Variants in CPAMD8 observed in about 807,000 individuals in gnomAD.
CPAMD8 encodes C3 and PZP-like alpha-2-macroglobulin domain-containing protein 8.
A neutral mutation model predicts 224.7 loss-of-function variants in CPAMD8; 146 were observed. The observed-to-expected ratio is 0.65, with a 90% confidence interval of 0.57 to 0.75. CPAMD8 has a LOEUF of 0.75. Ranked by LOEUF, CPAMD8 falls within the 30% of genes least tolerant of loss-of-function variation. CPAMD8 has a pLI of 0.00. For synonymous variants in CPAMD8, 966 were observed against 1,044.6 expected (o/e 0.92, Z 1.45); for missense variants, 2,301 against 2,537.5 (o/e 0.91, Z 2.00).
At chr19:17,004,715 C>T (rs1354110276) in intron 7 of CPAMD8, among the ~76,000 whole-genome samples, 1 of 152,054 alleles carries the variant, frequency 6.6e-6, no homozygotes, top group Admixed American at 6.6e-5. Flanking sequence ...TCACTCCATC[C>T]CCCGCCACCC....
intron 19 of CPAMD8, among the ~76,000 whole-genome samples, chr19:16,954,084 A>T (rs2054384446): frequency 6.6e-6 from 1 of 152,194 alleles, no homozygotes; most frequent in African/African-American, 2.4e-5. Context: ...CGCTGTGAAC[A>T]TGGGTATACA....
chr19:16,974,998 A>G (rs1007203187), intron 17 of CPAMD8, 99 bp downstream of exon 17: 4 of 1,441,094 alleles, frequency 2.8e-6, no homozygotes, highest in African/African-American at 1.4e-5. Context: ...AAAAGCTTCC[A>G]ATTCTGTTTC....
At chr19:16,897,440 C>T (rs2052063672) in intron 39 of CPAMD8, 2 of 539,738 alleles carry the variant, frequency 3.7e-6, no homozygotes, top group Non-Finnish European at 3.3e-6. Flanking sequence ...CCCCAGTATA[C>T]TGACCATTCC....
At chr19:17,019,144 G>A (rs1254846094) in intron 3 of CPAMD8, among the ~76,000 whole-genome samples, 1 of 152,068 alleles carries the variant, frequency 6.6e-6, no homozygotes, top group African/African-American at 2.4e-5. Context: ...TGTTTTTTGA[G>A]ACGGAGTTTC....
At position 16,979,508 on chromosome 19, in the gene CPAMD8, GTCCA is replaced by G. The variant is rs56393692; in HGVS notation, c.1585+985_1585+988del. On this transcript the variant is annotated intron_variant, in intron 14 of 41. Transcript: ENST00000443236. ...CATCCTTCTGTCCATCCATCTTTTG[GTCCA>G]TCCATCCATCCATCCATCTCTCTGT... Among the ~76,000 whole-genome samples, 4 of 140,138 alleles carry G rather than the reference GTCCA, an allele frequency of 2.9e-5. No homozygotes were observed. In the East Asian group the frequency reaches 6.5e-4, roughly 23 times the overall value. The allele number at this position is 140,138 out of a possible 152,430, so 91.9% of individuals were successfully genotyped here. A position where few individuals can be genotyped will look rare whatever the true frequency, so the allele number is the denominator to read the frequency against.
Position 16,897,566 on chromosome 19 carries a change from T to C in CPAMD8, c.5065+125A>G, listed in dbSNP as rs1390111437. The C allele has an allele frequency of 3.2e-5, 19 of 598,992 alleles. No homozygotes were observed. In the East Asian group the frequency reaches 5.5e-4, roughly 17 times the overall value. 37.1% of individuals were successfully genotyped at this position (598,992 alleles called of 1,614,324 possible). On this transcript the variant is annotated intron_variant, in intron 39 of 41. Coordinates refer to ENST00000443236, the MANE Select transcript of CPAMD8 (RefSeq NM_015692.5). ...AGCGCCCGCCCACCTCTATGCTGCG[T>C]TCTCCTGACTTTACGTTGGCCCCTC... is the stretch of plus-strand genomic sequence containing the variant.
intron 12 of CPAMD8, among the ~76,000 whole-genome samples, chr19:16,990,725 T>C (rs1164266143): frequency 1.3e-5 from 2 of 151,518 alleles, no homozygotes; most frequent in Admixed American, 1.3e-4. Flanking sequence ...TAGCCGGGCA[T>C]GGTGGCCGGC....
At chr19:16,927,281 C>T (rs1459938071) in intron 25 of CPAMD8, among the ~76,000 whole-genome samples, 1 of 152,120 alleles carries the variant, frequency 6.6e-6, no homozygotes, top group Non-Finnish European at 1.5e-5. Context: ...CTTACGAGAT[C>T]TGATGGTTTT....
chr19:16,984,290 G>A (rs2055628903), intron 13 of CPAMD8, among the ~76,000 whole-genome samples: 1 of 146,554 alleles, frequency 6.8e-6, no homozygotes, highest in African/African-American at 2.6e-5. Flanking sequence ...CCTCAGCCTG[G>A]GTGACAGAGC....
At chr19:16,931,373 C>T (rs771529457) in intron 23 of CPAMD8, among the ~76,000 whole-genome samples, 1 of 152,178 alleles carries the variant, frequency 6.6e-6, no homozygotes, top group Non-Finnish European at 1.5e-5. Flanking sequence ...GCTCACCCAA[C>T]CTAATGTGTG....
In CPAMD8 at chr19:16,921,957, G is replaced by T; in HGVS notation, c.3577C>A (p.Gln1193Lys). ...CCAAACGCGCTGTAGGAGCCATCCTGGCGCTTGTAGGTCAGCTGGCGCTGG... is the reference window on the plus strand; with the variant it reads ...CCAAACGCGCTGTAGGAGCCATCCTTGCGCTTGTAGGTCAGCTGGCGCTGG... ...GYQRQLTYKR[Q>K]DGSYSAFGER... The change falls in exon 27 of 42, where the codon CAG becomes AAG. Residue 1193 changes from glutamine (Q) to lysine (K), a missense_variant. Gln to Lys is a moderately conservative substitution (Grantham distance 53, BLOSUM62 1). Transcript: ENST00000443236. 1 of 1,548,138 alleles carries T rather than the reference G, an allele frequency of 6.5e-7. No homozygotes were observed.
intron 3 of CPAMD8, among the ~76,000 whole-genome samples, chr19:17,013,762 C>A (rs1032099092): frequency 6.6e-6 from 1 of 151,284 alleles, no homozygotes; most frequent in Non-Finnish European, 1.5e-5. Flanking sequence ...GTAAATGCCA[C>A]GGAATTATAT....
rs370262548 is a variant in CPAMD8 at position 16,906,961 on chromosome 19, T to C, written c.4018A>G (p.Ile1340Val). 3.1e-6 allele frequency: 5 copies of C among 1,587,910 alleles called. No individual in the cohort carries two copies. In the African/African-American group the frequency reaches 4.0e-5, roughly 13 times the overall value. ...GGCCAGGGACACCTACCTCGCATGA[T>C]GGCCAGGCTACGGAGCTTGCGCAGT... The part of the protein sequence containing the change: ...EALRKLRSLA[I>V]MRDGVTHWSL... The change falls in exon 30 of 42, where the codon ATC becomes GTC. Residue 1340 changes from isoleucine to valine, a missense_variant. Ile to Val is a conservative substitution (Grantham distance 29, BLOSUM62 3). Transcript: ENST00000443236.
chr19:16,956,874 G>A (rs1458474391), intron 19 of CPAMD8, among the ~76,000 whole-genome samples: 1 of 151,934 alleles, frequency 6.6e-6, no homozygotes, highest in South Asian at 2.1e-4. Context: ...CACCATGTTA[G>A]AGAGGGTGGT....
chr19:16,988,386 A>G (rs1370044332), intron 13 of CPAMD8, among the ~76,000 whole-genome samples: 3 of 152,150 alleles, frequency 2.0e-5, no homozygotes, highest in Non-Finnish European at 4.4e-5. Context: ...CAAGGTGGGC[A>G]GATCACTTGA....
chr19:17,002,750 TTGCTTCTGGACTCAG>T (rs751288403), intron 8 of CPAMD8, among the ~76,000 whole-genome samples: 3 of 151,966 alleles, frequency 2.0e-5, no homozygotes, highest in Non-Finnish European at 2.9e-5. Flanking sequence ...ATTTCTCCAT[TTGCTTCTGGACTCAG>T]CCCTGGGAGT....
rs1278334649 is a variant in CPAMD8 at position 16,902,630 on chromosome 19, G to A, written c.4685+19C>T. 25 of 1,544,240 alleles carry A rather than the reference G, an allele frequency of 1.6e-5. No individual in the cohort carries two copies. Among genetic ancestry groups the A allele is most frequent in the Non-Finnish European group, 2.0e-5 (23 of 1,125,906 alleles). On this transcript the variant is annotated intron_variant, in intron 35 of 41. Transcript: ENST00000443236. ...GCACCCTCCTGGGATGCCCACGCCA[G>A]CAGGGCAGGTGGCCTTACCTGGTGC... is the stretch of plus-strand genomic sequence containing the variant.
At chr19:16,908,760 T>C (rs1353890436) in intron 29 of CPAMD8, among the ~76,000 whole-genome samples, 3 of 152,110 alleles carry the variant, frequency 2.0e-5, no homozygotes, top group African/African-American at 2.4e-5. Context: ...AGGTGTGACA[T>C]TGAGATGCCC....
At chr19:17,011,440 C>T (rs907808130) in intron 5 of CPAMD8, 24 bp downstream of exon 5, 18 of 1,614,026 alleles carry the variant, frequency 1.1e-5, no homozygotes, top group Middle Eastern at 1.6e-4. Context: ...ACTCCGGGCC[C>T]GCGGTTTTAG....
Sources: allele counts gnomAD v4.1 joint callset (sites outside exome capture counted in the v4.1 genomes callset), GRCh38; gene constraint gnomAD v4.1.1; transcripts MANE v1.5; gene names NCBI Gene and HGNC (gene_info 2026-07-23, HGNC 2026-07-21).